VRK2: variants seen among roughly 807,000 people sequenced by gnomAD.
The protein encoded by VRK2 is serine/threonine-protein kinase VRK2.
Under a neutral mutation model 57.6 loss-of-function variants are expected in VRK2, and 60 were observed. The observed-to-expected ratio is 1.04, with a 90% CI of 0.85 to 1.29. The LOEUF (loss-of-function observed/expected upper bound fraction) is 1.29. Among genes scored for constraint, VRK2 ranks in the 50% most tolerant of loss-of-function variants. The pLI is 0.00. For synonymous variants in VRK2, 231 were observed against 199.2 expected (o/e 1.16, Z -1.35); for missense variants, 705 against 588.1 (o/e 1.20, Z -2.06).
chr2:57,989,277 T>C (rs1672692392), intron 1 of VRK2, among the ~76,000 whole-genome samples: 1 of 152,240 alleles, frequency 6.6e-6, no homozygotes, highest in South Asian at 2.1e-4. Context: ...TACATTTTTC[T>C]AGAATTTCTC....
At chr2:58,006,820 T>C (rs1673261255) in intron 1 of VRK2, among the ~76,000 whole-genome samples, 1 of 152,114 alleles carries the variant, frequency 6.6e-6, no homozygotes, top group South Asian at 2.1e-4. Context: ...AAATTCTTAC[T>C]TGACCTTTAC....
At chr2:58,119,931 A>G (rs774073451) in intron 7 of VRK2, among the ~76,000 whole-genome samples, 6 of 151,742 alleles carry the variant, frequency 4.0e-5, no homozygotes, top group South Asian at 2.1e-4. Flanking sequence ...GTTTTCTTCA[A>G]TAGCTTTTCG....
intron 1 of VRK2, chr2:58,048,521 C>G (rs1348654042): frequency 7.7e-7 from 1 of 1,299,716 alleles, no homozygotes; most frequent in Admixed American, 2.7e-5. Flanking sequence ...TTTCGTGTTT[C>G]TTAAGGTGTG....
intron 9 of VRK2, 78 bp downstream of exon 9, chr2:58,132,006 A>T: frequency 6.5e-7 from 1 of 1,542,384 alleles, no homozygotes; most frequent in Non-Finnish European, 8.8e-7. Flanking sequence ...CAACACAGAG[A>T]AGATTGGCAT....
chr2:57,929,387 A>G (rs1670645673), intron 1 of VRK2, among the ~76,000 whole-genome samples: 1 of 152,134 alleles, frequency 6.6e-6, no homozygotes, highest in African/African-American at 2.4e-5. Context: ...GTGTTCACTC[A>G]AGGCCCACGT....
rs190025407 is a variant in VRK2, at chr2:57,955,903, T to G, written c.-439+48064T>G. Among the ~76,000 whole-genome samples the G allele has an allele frequency of 1.1e-3, 165 of 152,296 alleles. 2 individuals carry two copies. In the South Asian group the frequency reaches 0.033, roughly 30 times the overall value. ...ATCCTTTTGGTGAGTTTTTCACCAT[T>G]GGGAAGATTGCATTAGATGTTATAA... On this transcript the variant is annotated intron_variant, in intron 1 of 15. Transcript: ENST00000417641.
intron 2 of VRK2, among the ~76,000 whole-genome samples, chr2:58,052,622 C>T (rs1431873516): frequency 6.7e-6 from 1 of 148,242 alleles, no homozygotes; most frequent in Non-Finnish European, 1.5e-5. Context: ...AAAAAAAATG[C>T]TGCCATAGTG....
chr2:58,083,175 T>C lies in VRK2; in HGVS notation c.137-914T>C, dbSNP rs182949782. ...TTTTCCTTTCCCTTTCCTTCAGATA[T>C]CATCCAGACACTTAACACAGTGCCT... On this transcript the variant is annotated intron_variant, in intron 2 of 12. Transcript: ENST00000340157. Among the ~76,000 whole-genome samples the C allele has an allele frequency of 2.2e-4, 33 of 151,924 alleles. No individual in the cohort carries two copies. The East Asian group carries it at 6.0e-3, about 28-fold the overall frequency.
chr2:58,091,099 G>T (rs954709093), intron 7 of VRK2, among the ~76,000 whole-genome samples: 28 of 152,132 alleles, frequency 1.8e-4, no homozygotes, highest in Admixed American at 1.6e-3. Context: ...GGATTTTTAG[G>T]TCAGTGAAAC....
intron 11 of VRK2, among the ~76,000 whole-genome samples, chr2:58,145,300 G>A (rs536603687): frequency 1.3e-5 from 2 of 152,076 alleles, no homozygotes; most frequent in South Asian, 4.1e-4. Context: ...CTTAACCTCT[G>A]ATACTGGTAC....
intron 1 of VRK2, among the ~76,000 whole-genome samples, chr2:57,919,356 T>C (rs1193240211): frequency 1.3e-5 from 2 of 152,120 alleles, no homozygotes; most frequent in Non-Finnish European, 2.9e-5. Flanking sequence ...ATAAAAAGTG[T>C]TATTCTTTGT....
chr2:57,920,806 A>T (rs1670316993), intron 1 of VRK2, among the ~76,000 whole-genome samples: 1 of 152,128 alleles, frequency 6.6e-6, no homozygotes, highest in Non-Finnish European at 1.5e-5. Context: ...ATAGATGAAA[A>T]GGAAAATCTG....
At chr2:58,091,552 A>G (rs1399807827) in intron 7 of VRK2, among the ~76,000 whole-genome samples, 4 of 152,072 alleles carry the variant, frequency 2.6e-5, no homozygotes, top group East Asian at 3.8e-4. Context: ...GATTGAGTCT[A>G]TAAAAAATTA....
intron 1 of VRK2, among the ~76,000 whole-genome samples, chr2:57,974,657 A>G (rs573147768): frequency 6.6e-6 from 1 of 152,064 alleles, no homozygotes; most frequent in Non-Finnish European, 1.5e-5. Flanking sequence ...TCAGAGAAAA[A>G]TTCATAGGAA....
At chr2:58,081,141 C>T (rs1572990596) in intron 2 of VRK2, among the ~76,000 whole-genome samples, 1 of 152,030 alleles carries the variant, frequency 6.6e-6, no homozygotes, top group East Asian at 1.9e-4. Context: ...GGTTAATTAC[C>T]TTTTCTACAT....
At chr2:58,063,218 T>C (rs1261310527) in intron 2 of VRK2, among the ~76,000 whole-genome samples, 1 of 151,596 alleles carries the variant, frequency 6.6e-6, no homozygotes, top group East Asian at 1.9e-4. Context: ...ATTGTGTATA[T>C]TTAAGGCATA....
intron 3 of VRK2, 111 bp downstream of exon 3, chr2:58,084,249 A>G: frequency 5.4e-6 from 6 of 1,106,916 alleles, no homozygotes; most frequent in South Asian, 1.8e-5. Flanking sequence ...CAGTAAACCT[A>G]ATGTTATCAT....
At chr2:58,033,241 A>T (rs1001831628) in exon 3 of VRK2, 1 of 152,062 alleles carries the variant, frequency 6.6e-6, no homozygotes, top group African/African-American at 2.4e-5. Flanking sequence ...ATAAAGAAGA[A>T]TATTTGAAGC....
intron 1 of VRK2, among the ~76,000 whole-genome samples, chr2:57,969,921 C>A (rs900692887): frequency 3.3e-5 from 5 of 151,888 alleles, no homozygotes; most frequent in African/African-American, 1.2e-4. Flanking sequence ...TAAAAGAATT[C>A]CATTGACCCC....
Sources: gnomAD v4.1 joint callset for allele counts (sites outside exome capture counted in the v4.1 genomes callset) on GRCh38, gnomAD v4.1.1 for gene constraint, MANE v1.5 for transcripts, NCBI Gene and HGNC (gene_info 2026-07-23, HGNC 2026-07-21) for gene names.